SLC25A48: variants seen among roughly 807,000 people sequenced by gnomAD.
SLC25A48 encodes the protein solute carrier family 25 member 48.
A neutral mutation model predicts 32.2 loss-of-function variants in SLC25A48; 29 were observed. That is an observed-to-expected ratio of 0.90 (90% CI 0.67 to 1.23). The LOEUF is 1.23. Among genes scored for constraint, SLC25A48 ranks in the 50% most tolerant of loss-of-function variants. The probability of loss-of-function intolerance (pLI) is 0.00; values close to 1 mark genes in which losing one functional copy is unlikely to be tolerated. For synonymous variants in SLC25A48, 164 were observed against 172.3 expected (o/e 0.95, Z 0.38); for missense variants, 399 against 422.7 (o/e 0.94, Z 0.49).
chr5:135,584,408 A>G, intron 1 of SLC25A48, among the ~76,000 whole-genome samples: 1 of 152,268 alleles, frequency 6.6e-6, no homozygotes, highest in East Asian at 1.9e-4. Flanking sequence ...TTTGGCAATG[A>G]AGGAAAAGCA....
At chr5:135,775,163 G>A (rs968328352) in intron 3 of SLC25A48, among the ~76,000 whole-genome samples, 3 of 151,668 alleles carry the variant, frequency 2.0e-5, no homozygotes, top group African/African-American at 4.8e-5. Context: ...TGGAAAAGAG[G>A]ATGATATTAC....
At chr5:135,769,098 G>A (rs1756328932) in intron 3 of SLC25A48, among the ~76,000 whole-genome samples, 1 of 151,496 alleles carries the variant, frequency 6.6e-6, no homozygotes, top group African/African-American at 2.4e-5. Flanking sequence ...CTGAGATATT[G>A]TTTGTAATAT....
intron 4 of SLC25A48, among the ~76,000 whole-genome samples, chr5:135,870,036 T>G (rs1280057008): frequency 1.3e-5 from 2 of 152,230 alleles, no homozygotes; most frequent in Admixed American, 1.3e-4. Context: ...CACTTTATTC[T>G]CCAATCTCTA....
intron 3 of SLC25A48, among the ~76,000 whole-genome samples, chr5:135,797,722 C>A (rs1231070206): frequency 5.9e-5 from 9 of 151,472 alleles, no homozygotes; most frequent in Non-Finnish European, 8.8e-5. Context: ...AGTGTAAACC[C>A]CCCCCGTGAT....
At chr5:135,817,638 T>C (rs1365990262) in intron 4 of SLC25A48, among the ~76,000 whole-genome samples, 2 of 152,184 alleles carry the variant, frequency 1.3e-5, no homozygotes, top group African/African-American at 4.8e-5. Flanking sequence ...ATTTCTTAGA[T>C]AGCATACAAA....
At position 135,616,398 on chromosome 5, in the gene SLC25A48, C is replaced by T. The variant is rs141036325; in HGVS notation, c.-848-12839C>T. On this transcript the variant is annotated intron_variant, in intron 1 of 10. Coordinates refer to the SLC25A48 transcript ENST00000646290. ...AGCTGCCCAAGGCCTTGGGAAAATA[C>T]TCCTTGCATCAGTGTAGCCTGGATG... Among the ~76,000 whole-genome samples the T allele has an allele frequency of 6.8e-4, 103 of 152,332 alleles. No homozygotes were observed. In the East Asian group the frequency reaches 0.019, roughly 28 times the overall value.
Position 135,834,821 on chromosome 5 carries a change from C to A in SLC25A48, c.-27C>A. 1 of 1,578,062 alleles carries A rather than the reference C, an allele frequency of 6.3e-7. No homozygotes were observed. Among genetic ancestry groups the A allele is most frequent in the Non-Finnish European group, 8.6e-7 (1 of 1,162,456 alleles). The stretch of plus-strand genomic sequence containing the variant: ...ACTCTAAGTGGGCACTGCCCCGGCT[C>A]CGGGAGGGCGAGACCGAGCGCCGGC... On this transcript the variant is annotated 5_prime_UTR_variant, in exon 1 of 8. Coordinates refer to ENST00000681962, the MANE Select transcript of SLC25A48 (RefSeq NM_001349336.2).
At chr5:135,619,111 T>C (rs1752261057) in intron 1 of SLC25A48, among the ~76,000 whole-genome samples, 2 of 152,150 alleles carry the variant, frequency 1.3e-5, no homozygotes, top group African/African-American at 4.8e-5. Flanking sequence ...TCTTTTCACC[T>C]TCTGGGACAC....
intron 6 of SLC25A48, among the ~76,000 whole-genome samples, chr5:135,877,338 G>C (rs1426543742): frequency 1.3e-5 from 2 of 152,040 alleles, no homozygotes; most frequent in African/African-American, 2.4e-5. Context: ...GAGGGGCTGT[G>C]GCAGTGAGAT....
chr5:135,674,954 A>G (rs754770185), intron 3 of SLC25A48, among the ~76,000 whole-genome samples: 14 of 151,386 alleles, frequency 9.2e-5, no homozygotes, highest in Non-Finnish European at 1.9e-4. Context: ...TAGTGGTTGT[A>G]GCAGTTTACA....
At chr5:135,611,496 CA>C (rs57138043) in intron 1 of SLC25A48, among the ~76,000 whole-genome samples, 334 of 21,310 alleles carry the variant, frequency 0.016, no homozygotes, top group African/African-American at 0.035. Context: ...GACTCCATCT[CA>C]AAAAAAAAAA....
rs61742986 is a variant in SLC25A48 at position 135,871,482 on chromosome 5, G to C, written c.443G>C (p.Arg148Thr). 8 of 1,600,118 alleles carry C rather than the reference G, an allele frequency of 5.0e-6. 1 individual carries two copies. In the South Asian group the frequency reaches 8.9e-5, roughly 18 times the overall value. ...FRDANLGLKS[R>T]AVAPAEQPAY... is the part of the protein sequence containing the mutation. ...GCAGCCAACCTCGGTTTGAAGTCCAGGGCAGTGGCTCCTGCGGAGCAGCCA... is the reference window on the plus strand; with the variant it reads ...GCAGCCAACCTCGGTTTGAAGTCCACGGCAGTGGCTCCTGCGGAGCAGCCA... The change falls in exon 5 of 8, where the codon AGG (arginine) becomes ACG (threonine). Residue 148 changes from arginine (R) to threonine (T), a missense_variant. Arg to Thr is a moderately conservative substitution (Grantham distance 71, BLOSUM62 -1). Transcript: ENST00000681962.
intron 1 of SLC25A48, 22 bp downstream of exon 1, chr5:135,834,915 C>T (rs1173442670): frequency 1.3e-6 from 2 of 1,597,450 alleles, no homozygotes; most frequent in Non-Finnish European, 8.5e-7. Context: ...TACCGGGGAC[C>T]CCCGGTCAGA....
chr5:135,637,774 C>T (rs146353602), intron 3 of SLC25A48, among the ~76,000 whole-genome samples: 1,667 of 152,182 alleles, frequency 0.011, 36 homozygotes, highest in African/African-American at 0.039. Context: ...TGTCATTTTT[C>T]GGGAAACTAA....
chr5:135,728,428 T>C (rs4327593), intron 3 of SLC25A48, among the ~76,000 whole-genome samples: 43,668 of 152,058 alleles, frequency 0.29, 6,440 homozygotes, highest in East Asian at 0.47. Flanking sequence ...TATAAGTGAA[T>C]ATGATGACCC....
At chr5:135,584,066 G>GC (rs1751300090) in intron 1 of SLC25A48, among the ~76,000 whole-genome samples, 1 of 152,234 alleles carries the variant, frequency 6.6e-6, no homozygotes, top group Non-Finnish European at 1.5e-5. Flanking sequence ...GGACAGCCAG[G>GC]CAGTATTGAA....
intron 4 of SLC25A48, among the ~76,000 whole-genome samples, chr5:135,862,879 C>T (rs767838320): frequency 1.3e-5 from 2 of 152,082 alleles, no homozygotes; most frequent in African/African-American, 2.4e-5. Flanking sequence ...GCTTGGATTT[C>T]TTCGCTGAGG....
intron 3 of SLC25A48, among the ~76,000 whole-genome samples, chr5:135,739,339 C>T (rs994307692): frequency 1.3e-5 from 2 of 152,084 alleles, no homozygotes; most frequent in Non-Finnish European, 2.9e-5. Flanking sequence ...GGCTGGGAGT[C>T]GGTGACTTTT....
intron 1 of SLC25A48, among the ~76,000 whole-genome samples, chr5:135,604,892 G>A (rs1183606330): frequency 6.6e-6 from 1 of 152,184 alleles, no homozygotes; most frequent in Admixed American, 6.5e-5. Flanking sequence ...TGGTCCCTCA[G>A]CGTTTCCACC....
Sources: gnomAD v4.1 joint callset for allele counts (sites outside exome capture counted in the v4.1 genomes callset) on GRCh38, gnomAD v4.1.1 for gene constraint, MANE v1.5 for transcripts, NCBI Gene and HGNC (gene_info 2026-07-23, HGNC 2026-07-21) for gene names.